Variants in PTPRD observed in about 807,000 individuals in gnomAD.
PTPRD encodes protein tyrosine phosphatase receptor type D.
A neutral mutation model predicts 214.5 loss-of-function variants in PTPRD; 34 were observed. The observed-to-expected ratio is 0.16, with a 90% CI of 0.12 to 0.21. PTPRD has a LOEUF of 0.21. Ranked by LOEUF, PTPRD falls within the 10% of genes least tolerant of loss-of-function variation. The pLI is 1.00. For synonymous variants in PTPRD, 1,128 were observed against 845.7 expected (o/e 1.33, Z -5.79); for missense variants, 2,545 against 2,398.7 (o/e 1.06, Z -1.27).
chr9:10,180,226 G>C (rs1346366245), intron 3 of PTPRD, among the ~76,000 whole-genome samples: 1 of 151,914 alleles, frequency 6.6e-6, no homozygotes, highest in Non-Finnish European at 1.5e-5. Flanking sequence ...TTCACATAAA[G>C]GGAAATTCAA....
intron 5 of PTPRD, among the ~76,000 whole-genome samples, chr9:9,833,310 C>T (rs1331554895): frequency 1.3e-5 from 2 of 151,792 alleles, no homozygotes; most frequent in Admixed American, 1.3e-4. Context: ...TGGTAGGATC[C>T]GTGATGCCCC....
intron 39 of PTPRD, among the ~76,000 whole-genome samples, chr9:8,351,742 TAAAAAA>T (rs71317359): frequency 1.5e-4 from 10 of 68,518 alleles, no homozygotes; most frequent in African/African-American, 5.9e-4. Flanking sequence ...TGGCAAAGAG[TAAAAAA>T]AAAAAAAAAA....
chr9:10,421,938 A>G (rs552388842), intron 2 of PTPRD, among the ~76,000 whole-genome samples: 1 of 152,080 alleles, frequency 6.6e-6, no homozygotes, highest in African/African-American at 2.4e-5. Flanking sequence ...ATATGAAATT[A>G]TAGATTAGTA....
intron 12 of PTPRD, among the ~76,000 whole-genome samples, chr9:8,671,589 A>G (rs1279901543): frequency 6.6e-6 from 1 of 152,190 alleles, no homozygotes; most frequent in Non-Finnish European, 1.5e-5. Flanking sequence ...ACCTAGCCAA[A>G]TATTTTATCT....
intron 2 of PTPRD, among the ~76,000 whole-genome samples, chr9:10,505,713 C>T (rs1157063740): frequency 3.0e-4 from 45 of 151,750 alleles, no homozygotes. Flanking sequence ...GCAGATTAAA[C>T]CCAGCTATAG....
intron 11 of PTPRD, among the ~76,000 whole-genome samples, chr9:8,804,424 T>A (rs1415891872): frequency 6.7e-6 from 1 of 149,856 alleles, no homozygotes; most frequent in Non-Finnish European, 1.5e-5. Flanking sequence ...ATAAGAAGAC[T>A]CCGTCTCTAC....
intron 9 of PTPRD, among the ~76,000 whole-genome samples, chr9:9,348,381 C>T (rs116454295): frequency 0.011 from 1,678 of 152,212 alleles, 28 homozygotes; most frequent in African/African-American, 0.038. Flanking sequence ...TAAATGCCTA[C>T]GCATTTATCT....
At chr9:10,025,244 C>T (rs1280321320) in intron 4 of PTPRD, among the ~76,000 whole-genome samples, 1 of 152,144 alleles carries the variant, frequency 6.6e-6, no homozygotes, top group African/African-American at 2.4e-5. Flanking sequence ...TACAGTCCCA[C>T]CAACAGTGTA....
At chr9:9,552,256 C>A (rs948994839) in intron 8 of PTPRD, among the ~76,000 whole-genome samples, 7 of 151,940 alleles carry the variant, frequency 4.6e-5, no homozygotes, top group Admixed American at 2.6e-4. Context: ...AGAAGGAAAG[C>A]AGTACATAAA....
intron 5 of PTPRD, among the ~76,000 whole-genome samples, chr9:9,928,839 A>C (rs1023035307): frequency 4.6e-5 from 7 of 151,896 alleles, no homozygotes; most frequent in Non-Finnish European, 8.8e-5. Flanking sequence ...TATTTTCTTT[A>C]AACTTGATGC....
intron 3 of PTPRD, among the ~76,000 whole-genome samples, chr9:10,141,370 A>G (rs1648657096): frequency 6.6e-6 from 1 of 152,138 alleles, no homozygotes; most frequent in Non-Finnish European, 1.5e-5. Flanking sequence ...TCAGCCCAAA[A>G]TCTCCTTAAG....
intron 44 of PTPRD, among the ~76,000 whole-genome samples, chr9:8,331,365 T>G (rs571043937): frequency 1.1e-4 from 17 of 152,162 alleles, no homozygotes; most frequent in South Asian, 2.1e-4. Context: ...GCAAATTTTT[T>G]GGGGGATAAA....
chr9:9,357,714 TAAAAA>T (rs1555290879), intron 9 of PTPRD, among the ~76,000 whole-genome samples: 1 of 130,350 alleles, frequency 7.7e-6, no homozygotes, highest in African/African-American at 3.0e-5. Flanking sequence ...GTTTTTAAAA[TAAAAA>T]AAAAAAATGA....
chr9:9,247,408 C>G (rs1318305644), intron 9 of PTPRD, among the ~76,000 whole-genome samples: 2 of 152,140 alleles, frequency 1.3e-5, no homozygotes, highest in East Asian at 3.9e-4. Context: ...AGTCTTCATT[C>G]TGAAGGCTCC....
chr9:9,894,771 T>C (rs2153790669), intron 5 of PTPRD, among the ~76,000 whole-genome samples: 1 of 152,236 alleles, frequency 6.6e-6, no homozygotes, highest in East Asian at 1.9e-4. Context: ...CTCAGTATTG[T>C]AACCCTAGTG....
chr9:10,560,983 A>T (rs1342717365), intron 2 of PTPRD, among the ~76,000 whole-genome samples: 1 of 152,300 alleles, frequency 6.6e-6, no homozygotes, highest in East Asian at 1.9e-4. Flanking sequence ...GGTGGGGAGA[A>T]ATTCTGTTCG....
At chr9:9,968,216 G>A (rs1031122267) in intron 4 of PTPRD, among the ~76,000 whole-genome samples, 6 of 152,162 alleles carry the variant, frequency 3.9e-5, no homozygotes, top group Non-Finnish European at 7.4e-5. Context: ...TGCTACACTA[G>A]GACATTTGAA....
intron 5 of PTPRD, among the ~76,000 whole-genome samples, chr9:9,793,263 T>A (rs1266876046): frequency 2.0e-5 from 3 of 152,154 alleles, no homozygotes; most frequent in Non-Finnish European, 2.9e-5. Flanking sequence ...TTACTATGAA[T>A]AAAATGGATG....
At chr9:9,655,893 G>A (rs892819419) in intron 7 of PTPRD, among the ~76,000 whole-genome samples, 1 of 152,040 alleles carries the variant, frequency 6.6e-6, no homozygotes, top group Admixed American at 6.6e-5. Flanking sequence ...TAGGAGAATT[G>A]CTTAAACCCA....
Sources: gnomAD v4.1 joint callset for allele counts (sites outside exome capture counted in the v4.1 genomes callset) on GRCh38, gnomAD v4.1.1 for gene constraint, MANE v1.5 for transcripts, NCBI Gene and HGNC (gene_info 2026-07-23, HGNC 2026-07-21) for gene names.